The following SUMF1 variants were observed in gnomAD, a reference collection of about 807,000 sequenced individuals.
SUMF1 encodes sulfatase modifying factor 1.
A neutral mutation model predicts 47.6 loss-of-function variants in SUMF1; 48 were observed. The observed-to-expected ratio is 1.01, with a 90% CI of 0.80 to 1.28. SUMF1 has a LOEUF of 1.28. Ranked by LOEUF, SUMF1 falls within the 50% of genes most tolerant of loss-of-function variation. The pLI is 0.00. For missense variants in SUMF1, 571 were observed against 485.4 expected, an observed-to-expected ratio of 1.18 and a Z score of -1.66; for synonymous variants, 230 against 192.1, an observed-to-expected ratio of 1.20 and a Z score of -1.63.
intron 8 of SUMF1, among the ~76,000 whole-genome samples, chr3:4,287,923 T>C (rs1697665868): frequency 6.6e-6 from 1 of 152,220 alleles, no homozygotes; most frequent in Non-Finnish European, 1.5e-5. Context: ...TTTCTGATAA[T>C]TCACAGATTT....
At chr3:4,440,529 G>A (rs1484536225) in intron 3 of SUMF1, among the ~76,000 whole-genome samples, 1 of 152,144 alleles carries the variant, frequency 6.6e-6, no homozygotes, top group Non-Finnish European at 1.5e-5. Flanking sequence ...GAGTTGTCGT[G>A]CAGTTGTGAT....
intron 8 of SUMF1, among the ~76,000 whole-genome samples, chr3:4,094,725 T>C (rs574365929): frequency 6.6e-6 from 1 of 152,176 alleles, no homozygotes; most frequent in East Asian, 1.9e-4. Context: ...AGTGAGAAGG[T>C]TGAACAGTGG....
At chr3:4,073,453 T>G (rs1309586405) in intron 8 of SUMF1, among the ~76,000 whole-genome samples, 1 of 152,140 alleles carries the variant, frequency 6.6e-6, no homozygotes, top group African/African-American at 2.4e-5. Flanking sequence ...CCAGCTAGCA[T>G]CATAATGACA....
At chr3:4,181,682 C>T (rs1337029078) in intron 8 of SUMF1, among the ~76,000 whole-genome samples, 1 of 152,046 alleles carries the variant, frequency 6.6e-6, no homozygotes, top group Non-Finnish European at 1.5e-5. Flanking sequence ...CCCTTATGCC[C>T]AAGAAAGAGT....
chr3:4,464,815 G>A (rs868636020), intron 1 of SUMF1, among the ~76,000 whole-genome samples: 2 of 152,312 alleles, frequency 1.3e-5, no homozygotes, highest in Middle Eastern at 3.4e-3. Context: ...ATTAAGTTCA[G>A]CCCTTGAAGG....
chr3:4,169,367 G>C (rs187868640), intron 8 of SUMF1, among the ~76,000 whole-genome samples: 2 of 152,064 alleles, frequency 1.3e-5, no homozygotes, highest in African/African-American at 2.4e-5. Flanking sequence ...AATATGACTA[G>C]TATCTTTATA....
chr3:4,392,635 ATATATC>A (rs1398993534), intron 7 of SUMF1, among the ~76,000 whole-genome samples: 14 of 146,800 alleles, frequency 9.5e-5, no homozygotes, highest in East Asian at 6.4e-4. Flanking sequence ...ATATATATAT[ATATATC>A]TACCTATATA....
chr3:4,233,153 C>G (rs1202921563), intron 8 of SUMF1, among the ~76,000 whole-genome samples: 1 of 152,112 alleles, frequency 6.6e-6, no homozygotes, highest in Non-Finnish European at 1.5e-5. Context: ...GGATGTTTGG[C>G]AGCAGCAGAC....
chr3:4,087,628 A>T (rs1258497781), intron 8 of SUMF1, among the ~76,000 whole-genome samples: 1 of 152,096 alleles, frequency 6.6e-6, no homozygotes, highest in Admixed American at 6.5e-5. Context: ...GGCTTCATAG[A>T]AGACAGTAGG....
At chr3:4,129,870 G>C (rs1476415275) in intron 8 of SUMF1, among the ~76,000 whole-genome samples, 1 of 152,038 alleles carries the variant, frequency 6.6e-6, no homozygotes, top group Non-Finnish European at 1.5e-5. Flanking sequence ...GACTCATCCT[G>C]TCATCATTTC....
chr3:4,193,882 T>A (rs1414224081), intron 8 of SUMF1, among the ~76,000 whole-genome samples: 1 of 152,054 alleles, frequency 6.6e-6, no homozygotes, highest in African/African-American at 2.4e-5. Context: ...ATTAGCCAAT[T>A]CATAAAAAGT....
intron 8 of SUMF1, among the ~76,000 whole-genome samples, chr3:4,240,093 C>T (rs1696503323): frequency 1.3e-5 from 2 of 152,096 alleles, no homozygotes; most frequent in Admixed American, 6.6e-5. Flanking sequence ...TATGTTGAAC[C>T]AGCCTTGTAT....
chr3:4,044,077 T>C (rs928149371), intron 9 of SUMF1, among the ~76,000 whole-genome samples: 1 of 152,160 alleles, frequency 6.6e-6, no homozygotes, highest in African/African-American at 2.4e-5. Flanking sequence ...CTAAAGACCA[T>C]GAGCTCAGAG....
chr3:4,103,142 C>T (rs983128622), intron 8 of SUMF1, among the ~76,000 whole-genome samples: 3 of 151,144 alleles, frequency 2.0e-5, no homozygotes, highest in Non-Finnish European at 4.4e-5. Context: ...AGGCTGATCT[C>T]GAACTCCTGA....
intron 8 of SUMF1, chr3:4,317,125 C>T (rs1365839891): frequency 1.3e-6 from 2 of 1,543,436 alleles, no homozygotes; most frequent in South Asian, 1.2e-5. Flanking sequence ...CAGCAGGATG[C>T]AGAAAATGCT....
chr3:4,416,303 GA>G (rs1012553935), intron 6 of SUMF1, among the ~76,000 whole-genome samples: 19 of 146,254 alleles, frequency 1.3e-4, no homozygotes, highest in South Asian at 2.2e-4. Flanking sequence ...GTTCACTGTA[GA>G]AAAAAAAAAC....
chr3:4,441,102 CG>C (rs1351038960), intron 3 of SUMF1, among the ~76,000 whole-genome samples: 1 of 152,084 alleles, frequency 6.6e-6, no homozygotes, highest in Non-Finnish European at 1.5e-5. Flanking sequence ...GAGTGGCAGG[CG>C]AGCAAGCAAA....
chr3:4,115,526 T>C (rs1163503207), intron 8 of SUMF1, among the ~76,000 whole-genome samples: 1 of 151,912 alleles, frequency 6.6e-6, no homozygotes, highest in Non-Finnish European at 1.5e-5. Context: ...CAACCGTAGA[T>C]GCTGCCTTGG....
At chr3:4,158,633 A>G (rs563924582) in intron 8 of SUMF1, among the ~76,000 whole-genome samples, 1 of 151,440 alleles carries the variant, frequency 6.6e-6, no homozygotes, top group African/African-American at 2.5e-5. Context: ...TCACAGATAG[A>G]TATGTGCTCA....
Sources: allele counts gnomAD v4.1 joint callset (sites outside exome capture counted in the v4.1 genomes callset), GRCh38; gene constraint gnomAD v4.1.1; transcripts MANE v1.5; gene names NCBI Gene and HGNC (gene_info 2026-07-23, HGNC 2026-07-21).